The following ANO1 variants were observed in gnomAD, a reference collection of about 807,000 sequenced individuals.
ANO1 encodes anoctamin-1.
In ANO1, 59 loss-of-function variants were observed where a neutral mutation model predicts 124.0. That is an observed-to-expected ratio of 0.48 (90% CI 0.39 to 0.59). The LOEUF is 0.59. Ranked by LOEUF, ANO1 falls within the 20% of genes least tolerant of loss-of-function variation. ANO1 has a pLI of 0.00. For synonymous variants in ANO1, 529 were observed against 532.0 expected (o/e 0.99, Z 0.08); for missense variants, 1,059 against 1,328.0 (o/e 0.80, Z 3.15).
Position 70,173,830 on chromosome 11 carries a change from C to T in ANO1, c.2350+2791C>T, listed in dbSNP as rs547925904. Reference sequence around the variant, plus strand: ...CTTTGGGAGGCCGACGCAGGTGGATCACCTGAGGTCAGGAGTTTGAGACCA... The same window carrying T: ...CTTTGGGAGGCCGACGCAGGTGGATTACCTGAGGTCAGGAGTTTGAGACCA... On this transcript the variant is annotated intron_variant, in intron 22 of 25. Transcript: ENST00000355303. Among the ~76,000 whole-genome samples the T allele has an allele frequency of 2.6e-5, 4 of 152,282 alleles. No individual in the cohort carries two copies. In the South Asian group the frequency reaches 8.3e-4, roughly 32 times the overall value.
chr11:70,113,077 C>G (rs1006718), intron 7 of ANO1, among the ~76,000 whole-genome samples: 1 of 151,964 alleles, frequency 6.6e-6, no homozygotes, highest in South Asian at 2.1e-4. Flanking sequence ...TTCCTCCCTT[C>G]GTGCATTCAC....
intron 24 of ANO1, among the ~76,000 whole-genome samples, chr11:70,183,515 G>A (rs2155458): frequency 0.3 from 45,613 of 152,078 alleles, 8,032 homozygotes; most frequent in East Asian, 0.53. Flanking sequence ...ACAGAGAATG[G>A]GGGGGTCCTA....
In ANO1 at chr11:70,011,175, C is replaced by T. The variant is rs559582036; in HGVS notation, c.58+25009C>T. Among the ~76,000 whole-genome samples, 18 of 152,048 alleles carry T rather than the reference C, an allele frequency of 1.2e-4. No individual in the cohort carries two copies. In the South Asian group the frequency reaches 3.1e-3, roughly 26 times the overall value. ...AGGCAGAAAGGTGCAGGAAGGGTGT[C>T]GAGGCAGAGGGAACAGCGTGTGCAA... On this transcript the variant is annotated intron_variant, in intron 1 of 27. Coordinates refer to the ANO1 transcript ENST00000531349.
At chr11:70,111,507 A>G (rs1361094769) in intron 6 of ANO1, among the ~76,000 whole-genome samples, 200 bp from the exon 7 acceptor site, 3 of 152,140 alleles carry the variant, frequency 2.0e-5, no homozygotes, top group African/African-American at 7.2e-5. Flanking sequence ...GTCATCTCCT[A>G]GTTGATAGAT....
intron 11 of ANO1, among the ~76,000 whole-genome samples, chr11:70,144,857 C>A (rs1215523629): frequency 6.6e-6 from 1 of 152,228 alleles, no homozygotes; most frequent in Admixed American, 6.5e-5. Context: ...CTTGATGAGT[C>A]CCCTGACGTC....
intron 20 of ANO1, among the ~76,000 whole-genome samples, chr11:70,165,779 G>A (rs1489475928): frequency 6.6e-6 from 1 of 152,184 alleles, no homozygotes; most frequent in Non-Finnish European, 1.5e-5. Flanking sequence ...CCAGCACTTT[G>A]GGAAGCTGAG....
chr11:70,138,463 G>A (rs1590833778), intron 11 of ANO1, among the ~76,000 whole-genome samples: 1 of 149,508 alleles, frequency 6.7e-6, no homozygotes, highest in Admixed American at 6.7e-5. Flanking sequence ...CCAAGATCAC[G>A]CCATTGCACT....
intron 1 of ANO1, among the ~76,000 whole-genome samples, chr11:70,047,292 GAAGAA>G (rs1555005781): frequency 6.6e-6 from 1 of 152,086 alleles, no homozygotes; most frequent in Admixed American, 6.5e-5. Context: ...TGTTGGGTAT[GAAGAA>G]GCTCTCTACT....
chr11:70,178,752 TG>T (rs1211471934), intron 22 of ANO1, among the ~76,000 whole-genome samples: 2 of 152,156 alleles, frequency 1.3e-5, no homozygotes, highest in Non-Finnish European at 1.5e-5. Flanking sequence ...TTAGTAGAGA[TG>T]GGGTTTTGCC....
intron 14 of ANO1, among the ~76,000 whole-genome samples, chr11:70,153,488 T>C (rs1016903104): frequency 6.6e-6 from 1 of 152,222 alleles, no homozygotes; most frequent in Non-Finnish European, 1.5e-5. Flanking sequence ...GCTTTGAAGC[T>C]TCAAAGCTTT....
chr11:70,045,640 A>AT (rs371038072), intron 1 of ANO1, among the ~76,000 whole-genome samples: 32 of 148,068 alleles, frequency 2.2e-4, no homozygotes, highest in African/African-American at 2.7e-4. Context: ...CATACAACTG[A>AT]TTTTTTTTTT....
chr11:70,129,517 A>G (rs2509168), intron 10 of ANO1: 65,009 of 151,984 alleles, frequency 0.43, 14,676 homozygotes, highest in East Asian at 0.54. Flanking sequence ...CCCTGCTCCC[A>G]TGCACACACA....
intron 23 of ANO1, among the ~76,000 whole-genome samples, chr11:70,180,266 C>T (rs1479998868): frequency 1.3e-5 from 2 of 148,534 alleles, no homozygotes; most frequent in Non-Finnish European, 3.0e-5. Flanking sequence ...TCTCTTCAAC[C>T]TTTTTCTGCA....
chr11:70,000,521 C>A (rs1856363222), intron 1 of ANO1, among the ~76,000 whole-genome samples: 1 of 152,126 alleles, frequency 6.6e-6, no homozygotes, highest in South Asian at 2.1e-4. Context: ...AGATACCGAG[C>A]TTTGGCAAGA....
intron 1 of ANO1, among the ~76,000 whole-genome samples, chr11:69,987,031 C>G (rs1396788951): frequency 2.6e-5 from 4 of 152,184 alleles, no homozygotes; most frequent in African/African-American, 9.7e-5. Flanking sequence ...CCCCTCCCTC[C>G]CCCGACTTTT....
At chr11:70,166,434 G>A (rs2048256788) in intron 20 of ANO1, among the ~76,000 whole-genome samples, 1 of 152,228 alleles carries the variant, frequency 6.6e-6, no homozygotes, top group South Asian at 2.1e-4. Flanking sequence ...GGATGGGGGG[G>A]TACCACCAGG....
At chr11:70,111,209 C>T (rs1212232245) in intron 6 of ANO1, 5 of 457,772 alleles carry the variant, frequency 1.1e-5, no homozygotes, top group Non-Finnish European at 2.2e-5. Context: ...TGGGCCTCCT[C>T]CGGCTTTCCC....
chr11:70,097,901 G>A (rs1439164715), intron 2 of ANO1, among the ~76,000 whole-genome samples: 1 of 152,202 alleles, frequency 6.6e-6, no homozygotes. Flanking sequence ...GACCCAGTGT[G>A]CCAGCTCCTA....
chr11:69,996,477 A>C (rs542744417), intron 1 of ANO1, among the ~76,000 whole-genome samples: 6 of 152,198 alleles, frequency 3.9e-5, no homozygotes, highest in Admixed American at 6.5e-5. Context: ...TCAAAGGGAG[A>C]AATGTTTAAA....
Sources: allele counts gnomAD v4.1 joint callset (sites outside exome capture counted in the v4.1 genomes callset), GRCh38; gene constraint gnomAD v4.1.1; transcripts MANE v1.5; gene names NCBI Gene and HGNC (gene_info 2026-07-23, HGNC 2026-07-21).